SCD5: variants seen among roughly 807,000 people sequenced by gnomAD.
SCD5 encodes stearoyl-CoA desaturase 5.
SCD5 carries 20 observed loss-of-function variants against 30.4 expected under a neutral mutation model. The observed-to-expected ratio is 0.66, with a 90% CI of 0.46 to 0.96. The LOEUF is 0.96. Among genes scored for constraint, SCD5 ranks in the 40% least tolerant of loss-of-function variants. SCD5 has a pLI of 0.00. For missense variants in SCD5, 381 were observed against 443.3 expected (o/e 0.86, Z 1.26); for synonymous variants, 173 against 176.4 (o/e 0.98, Z 0.16).
At chr4:82,761,576 CTTTT>C (rs1300978212) in intron 1 of SCD5, among the ~76,000 whole-genome samples, 5 of 149,298 alleles carry the variant, frequency 3.3e-5, no homozygotes, top group Non-Finnish European at 7.4e-5. Flanking sequence ...AGCCTCGTTT[CTTTT>C]TTTTTTATTA....
intron 2 of SCD5, among the ~76,000 whole-genome samples, chr4:82,696,939 T>A (rs956266636): frequency 6.6e-6 from 1 of 152,222 alleles, no homozygotes; most frequent in Non-Finnish European, 1.5e-5. Context: ...AGCTCAGACA[T>A]TTGGGCCTTA....
intron 1 of SCD5, among the ~76,000 whole-genome samples, chr4:82,777,079 C>T (rs995033033): frequency 1.3e-5 from 2 of 152,222 alleles, no homozygotes; most frequent in Non-Finnish European, 2.9e-5. Flanking sequence ...GATGAGGAGC[C>T]GGAGAGCTCT....
chr4:82,632,774 ACT>A (rs35983451), intron 4 of SCD5, among the ~76,000 whole-genome samples: 25 of 151,486 alleles, frequency 1.7e-4, no homozygotes, highest in African/African-American at 5.8e-4. Flanking sequence ...GATTTGCATG[ACT>A]CTCTCACTTT....
intron 2 of SCD5, among the ~76,000 whole-genome samples, chr4:82,683,341 CT>C (rs1352697464): frequency 6.6e-6 from 1 of 152,106 alleles, no homozygotes; most frequent in Non-Finnish European, 1.5e-5. Context: ...TAATTTCTTC[CT>C]TTTGCATTAG....
chr4:82,715,579 C>T (rs527813807), intron 1 of SCD5, among the ~76,000 whole-genome samples: 4 of 151,664 alleles, frequency 2.6e-5, no homozygotes, highest in Non-Finnish European at 5.9e-5. Flanking sequence ...CGCCAGGCTA[C>T]CTGTATCATA....
At chr4:82,783,521 T>C (rs977151808) in intron 1 of SCD5, among the ~76,000 whole-genome samples, 3 of 151,958 alleles carry the variant, frequency 2.0e-5, no homozygotes, top group Non-Finnish European at 2.9e-5. Flanking sequence ...AGGAAAAAAA[T>C]TGGCCAGGCG....
chr4:82,750,956 C>G (rs1009399841), intron 1 of SCD5, among the ~76,000 whole-genome samples: 2 of 152,202 alleles, frequency 1.3e-5, no homozygotes, highest in African/African-American at 4.8e-5. Context: ...GTTATATGCT[C>G]TTAGATCCGT....
At chr4:82,632,347 G>A (rs1727312793) in intron 4 of SCD5, among the ~76,000 whole-genome samples, 1 of 151,990 alleles carries the variant, frequency 6.6e-6, no homozygotes, top group Non-Finnish European at 1.5e-5. Flanking sequence ...CATCCATGTT[G>A]CCACAAACGA....
At chr4:82,632,277 C>T (rs1375093213) in intron 4 of SCD5, among the ~76,000 whole-genome samples, 1 of 148,894 alleles carries the variant, frequency 6.7e-6, no homozygotes, top group African/African-American at 2.5e-5. Flanking sequence ...TGAGTGAGAA[C>T]ATGCGGTGTT....
intron 2 of SCD5, among the ~76,000 whole-genome samples, chr4:82,700,678 T>C (rs1719809608): frequency 6.6e-6 from 1 of 151,428 alleles, no homozygotes; most frequent in African/African-American, 2.4e-5. Context: ...TCCTAGCTAC[T>C]AGGGAGGCTG....
intron 3 of SCD5, chr4:82,660,641 A>G: frequency 7.2e-7 from 1 of 1,379,758 alleles, no homozygotes; most frequent in Admixed American, 3.1e-5. Flanking sequence ...GTGGAAATAG[A>G]ATCTCAGAGA....
intron 1 of SCD5, among the ~76,000 whole-genome samples, chr4:82,778,542 G>C (rs923552995): frequency 5.9e-5 from 9 of 152,226 alleles, no homozygotes; most frequent in African/African-American, 2.2e-4. Flanking sequence ...TGGCCAGTGG[G>C]CCTCAACCTG....
intron 3 of SCD5, among the ~76,000 whole-genome samples, chr4:82,656,464 T>C (rs904948068): frequency 2.6e-5 from 4 of 152,206 alleles, no homozygotes; most frequent in African/African-American, 9.7e-5. Context: ...TAGTATTCCA[T>C]GGTATATATG....
intron 1 of SCD5, among the ~76,000 whole-genome samples, chr4:82,769,670 T>C (rs1721575305): frequency 6.6e-6 from 1 of 152,130 alleles, no homozygotes; most frequent in Non-Finnish European, 1.5e-5. Context: ...CTGAATATGA[T>C]TATATAAAAG....
intron 1 of SCD5, among the ~76,000 whole-genome samples, chr4:82,731,929 T>G (rs12507978): frequency 0.55 from 83,014 of 151,650 alleles, 23,809 homozygotes; most frequent in African/African-American, 0.71. Context: ...ATCTGTCTGA[T>G]TAAGATCAGG....
rs1454549231 is a variant in SCD5 at position 82,798,548 on chromosome 4, G to A, written c.-11C>T. ...GGCCGGGCCTGGCATGGCTGGGCGA[G>A]GTGGGCGCCCGCAGCAGCGGCAGGC... On this transcript the variant is annotated 5_prime_UTR_variant, in exon 1 of 5. Coordinates refer to ENST00000319540, the MANE Select transcript of SCD5 (RefSeq NM_001037582.3). 1 of 1,567,580 alleles carries A rather than the reference G, an allele frequency of 6.4e-7. No individual in the cohort carries two copies. Among genetic ancestry groups the A allele is most frequent in the South Asian group, 1.2e-5 (1 of 85,666 alleles).
chr4:82,684,420 C>T (rs1490143207), intron 2 of SCD5, among the ~76,000 whole-genome samples: 2 of 152,106 alleles, frequency 1.3e-5, no homozygotes, highest in Admixed American at 6.5e-5. Context: ...AGATGTGCAT[C>T]AACAATAGAG....
chr4:82,705,844 C>T (rs1434652132), intron 1 of SCD5, among the ~76,000 whole-genome samples: 1 of 152,170 alleles, frequency 6.6e-6, no homozygotes, highest in Admixed American at 6.5e-5. Flanking sequence ...TGGCAGTGCC[C>T]ATTATTGGTA....
chr4:82,737,698 C>G (rs1329478661), intron 1 of SCD5, among the ~76,000 whole-genome samples: 1 of 152,206 alleles, frequency 6.6e-6, no homozygotes, highest in African/African-American at 2.4e-5. Context: ...TATTTTCATG[C>G]TTGCCTTTCT....
Sources: gnomAD v4.1 joint callset for allele counts (sites outside exome capture counted in the v4.1 genomes callset) on GRCh38, gnomAD v4.1.1 for gene constraint, MANE v1.5 for transcripts, NCBI Gene and HGNC (gene_info 2026-07-23, HGNC 2026-07-21) for gene names.